Variants in RIMBP2 observed in about 807,000 individuals in gnomAD.
RIMBP2 encodes the protein RIMS binding protein 2, also known as RIMS-binding protein 2.
A neutral mutation model predicts 118.6 loss-of-function variants in RIMBP2; 48 were observed. That is an observed-to-expected ratio of 0.40 (90% CI 0.32 to 0.51). The LOEUF is 0.51. Among genes scored for constraint, RIMBP2 ranks in the 20% least tolerant of loss-of-function variants. RIMBP2 has a pLI of 0.41. For synonymous variants in RIMBP2, 762 were observed against 742.9 expected (o/e 1.03, Z -0.42); for missense variants, 1,551 against 1,768.3 (o/e 0.88, Z 2.20).
At chr12:130,600,138 G>A (rs926750887) in intron 2 of RIMBP2, among the ~76,000 whole-genome samples, 13 of 152,144 alleles carry the variant, frequency 8.5e-5, no homozygotes, top group Admixed American at 6.5e-4. Context: ...TTCCTAAAAT[G>A]CATAAAATCT....
chr12:130,668,180 C>G (rs2064035108), intron 1 of RIMBP2: 1 of 152,184 alleles, frequency 6.6e-6, no homozygotes, highest in Non-Finnish European at 1.5e-5. Flanking sequence ...CGACCCAATG[C>G]TGAGGAATGA....
At chr12:130,463,119 C>G (rs1197046708) in intron 6 of RIMBP2, among the ~76,000 whole-genome samples, 1 of 152,230 alleles carries the variant, frequency 6.6e-6, no homozygotes, top group South Asian at 2.1e-4. Flanking sequence ...CCAGCAGCAG[C>G]CGCTTCCAAA....
intron 2 of RIMBP2, among the ~76,000 whole-genome samples, chr12:130,552,968 T>C (rs1309323100): frequency 1.3e-5 from 2 of 151,832 alleles, no homozygotes; most frequent in Non-Finnish European, 2.9e-5. Context: ...CTGGCTAACA[T>C]GGTGAAACCC....
chr12:130,565,626 C>T (rs374967565), intron 2 of RIMBP2, among the ~76,000 whole-genome samples: 8 of 152,276 alleles, frequency 5.3e-5, no homozygotes, highest in South Asian at 2.1e-4. Flanking sequence ...CCCTTAACTC[C>T]GAGATTCCTG....
chr12:130,588,931 G>C (rs1168290184), intron 2 of RIMBP2, among the ~76,000 whole-genome samples: 2 of 152,218 alleles, frequency 1.3e-5, no homozygotes. Context: ...AGCCCCACGG[G>C]GGATTTGCAA....
chr12:130,646,161 C>T lies in RIMBP2; in HGVS notation c.-351-17705G>A, dbSNP rs1489953430. Among the ~76,000 whole-genome samples the T allele has an allele frequency of 1.3e-4, 11 of 81,600 alleles. 3 individuals carry two copies. The highest frequency in any genetic ancestry group is 4.4e-4 in the African/African-American group (11 of 24,974). The allele number at this position is 81,600 out of a possible 152,430, so 53.5% of individuals were successfully genotyped here. A position where few individuals can be genotyped will look rare whatever the true frequency, so the allele number is the denominator to read the frequency against. On this transcript the variant is annotated intron_variant, in intron 1 of 22. Transcript: ENST00000690449. ...TCCCTCACCACCTGCCTCTCCACCTCCCTCACCACCTGCCTCTCCACCTCC... is the reference window on the plus strand; with the variant it reads ...TCCCTCACCACCTGCCTCTCCACCTTCCTCACCACCTGCCTCTCCACCTCC...
intron 3 of RIMBP2, among the ~76,000 whole-genome samples, chr12:130,513,252 C>G (rs1348627693): frequency 6.6e-6 from 1 of 152,152 alleles, no homozygotes; most frequent in African/African-American, 2.4e-5. Context: ...TCACCACACA[C>G]AAACACAACA....
chr12:130,594,172 G>C (rs2059428415), intron 2 of RIMBP2, among the ~76,000 whole-genome samples: 1 of 152,168 alleles, frequency 6.6e-6, no homozygotes, highest in Non-Finnish European at 1.5e-5. Context: ...TTCACTTTTG[G>C]GAAGAACCTT....
intron 2 of RIMBP2, among the ~76,000 whole-genome samples, chr12:130,534,990 C>A (rs1381916591): frequency 3.5e-4 from 53 of 152,284 alleles, no homozygotes; most frequent in Non-Finnish European, 4.4e-5. Flanking sequence ...TAAAACATCC[C>A]CACCTGACGA....
chr12:130,637,059 G>T (rs1240147953), intron 1 of RIMBP2, among the ~76,000 whole-genome samples: 1 of 152,186 alleles, frequency 6.6e-6, no homozygotes, highest in African/African-American at 2.4e-5. Flanking sequence ...GGTTGCATTT[G>T]AATGTTAAAA....
intron 1 of RIMBP2, among the ~76,000 whole-genome samples, chr12:130,664,960 C>T (rs574705217): frequency 5.3e-5 from 8 of 151,640 alleles, no homozygotes; most frequent in South Asian, 2.1e-4. Flanking sequence ...ATCAATCAAC[C>T]GGAACAGCGA....
At chr12:130,655,601 A>G (rs907601017) in intron 1 of RIMBP2, among the ~76,000 whole-genome samples, 2 of 152,242 alleles carry the variant, frequency 1.3e-5, no homozygotes, top group African/African-American at 4.8e-5. Context: ...CTATGTTTGT[A>G]AATGTTGCAT....
intron 2 of RIMBP2, among the ~76,000 whole-genome samples, chr12:130,588,478 A>T (rs1480291749): frequency 6.6e-6 from 1 of 152,210 alleles, no homozygotes; most frequent in Non-Finnish European, 1.5e-5. Flanking sequence ...CTGCAATCAG[A>T]TCTTGGCTAA....
intron 1 of RIMBP2, among the ~76,000 whole-genome samples, chr12:130,675,855 T>A (rs1331907402): frequency 2.6e-5 from 4 of 152,216 alleles, no homozygotes; most frequent in African/African-American, 7.2e-5. Flanking sequence ...ACTGCCATGG[T>A]CTGAATGTGG....
At chr12:130,631,772 G>A (rs2140959541) in intron 1 of RIMBP2, among the ~76,000 whole-genome samples, 1 of 152,118 alleles carries the variant, frequency 6.6e-6, no homozygotes, top group South Asian at 2.1e-4. Context: ...GTGGGCTCAA[G>A]GGACTGGGTA....
chr12:130,404,100 A>G (rs1319987585), intron 21 of RIMBP2, among the ~76,000 whole-genome samples: 1 of 152,200 alleles, frequency 6.6e-6, no homozygotes, highest in African/African-American at 2.4e-5. Flanking sequence ...AATTATAAAT[A>G]TTGGTGAAGA....
At chr12:130,664,389 G>GCACGCACACA (rs74184218) in intron 1 of RIMBP2, among the ~76,000 whole-genome samples, 2 of 82,542 alleles carry the variant, frequency 2.4e-5, no homozygotes, top group African/African-American at 8.3e-5. Flanking sequence ...GCACGCGCAT[G>GCACGCACACA]CACACACACG....
At position 130,431,422 on chromosome 12, in the gene RIMBP2, T is replaced by C. The variant is rs1464623254; in HGVS notation, c.2254-3085A>G. 1 of 415,206 alleles carries C rather than the reference T, an allele frequency of 2.4e-6. No homozygotes were observed. Among genetic ancestry groups the C allele is most frequent in the Non-Finnish European group, 5.0e-6 (1 of 201,462 alleles). The allele number at this position is 415,206 out of a possible 1,614,324, so 25.7% of individuals were successfully genotyped here. On this transcript the variant is annotated intron_variant, in intron 14 of 22. Transcript: ENST00000690449. This position sits in a 1 kb window ranked among gnomAD's most constrained non-coding sequence, Gnocchi z 4.0. The stretch of plus-strand genomic sequence containing the variant: ...CTTCAGTCACTCCCTACCACTGTCA[T>C]GATGCGTCACCTAGCCAGACGCCAT...
At chr12:130,625,872 T>C (rs2061591219) in intron 2 of RIMBP2, among the ~76,000 whole-genome samples, 1 of 152,164 alleles carries the variant, frequency 6.6e-6, no homozygotes, top group Non-Finnish European at 1.5e-5. Context: ...ATAGGCCAAG[T>C]ATAATAAATG....
Sources: allele counts gnomAD v4.1 joint callset (sites outside exome capture counted in the v4.1 genomes callset), GRCh38; gene constraint gnomAD v4.1.1; non-coding constraint Gnocchi (gnomAD v3.1); transcripts MANE v1.5; gene names NCBI Gene and HGNC (gene_info 2026-07-23, HGNC 2026-07-21).